Variants in CEACAM7 observed in about 807,000 individuals in gnomAD.
CEACAM7 encodes the protein cell adhesion molecule CEACAM7.
A neutral mutation model predicts 25.7 loss-of-function variants in CEACAM7; 24 were observed. That is an observed-to-expected ratio of 0.93 (90% confidence interval 0.68 to 1.31). CEACAM7 has a LOEUF of 1.31. Ranked by LOEUF, CEACAM7 falls within the 40% of genes most tolerant of loss-of-function variation. CEACAM7 has a pLI of 0.00. For synonymous variants in CEACAM7, 144 were observed against 129.4 expected, an observed-to-expected ratio of 1.11 and a Z score of -0.77; for missense variants, 324 against 330.1, an observed-to-expected ratio of 0.98 and a Z score of 0.14.
chr19:41,678,329 A>G (rs1423503064), intron 3 of CEACAM7, among the ~76,000 whole-genome samples: 1 of 146,550 alleles, frequency 6.8e-6, no homozygotes, highest in African/African-American at 2.5e-5. Flanking sequence ...GTATATGTAT[A>G]TGTATATGTA....
chr19:41,688,160 C>A lies in CEACAM7; in HGVS notation c.6G>T (p.Gly2=), dbSNP rs782240592. The A allele has an allele frequency of 6.2e-7, 1 of 1,610,222 alleles. No individual in the cohort carries two copies. M[G]SPSACPYRVC... ...CTCTGTATGGACAGGCTGAAGGGGACCCCATGGTCTCTGCTGCCTGCTTGT... is the reference window on the plus strand; with the variant it reads ...CTCTGTATGGACAGGCTGAAGGGGAACCCATGGTCTCTGCTGCCTGCTTGT... Residue 2 remains glycine, a synonymous_variant, in exon 1 of 5, where the codon GGG becomes GGT. Transcript: ENST00000401731.
intron 3 of CEACAM7, among the ~76,000 whole-genome samples, chr19:41,679,308 GA>G (rs1555810421): frequency 6.6e-6 from 1 of 152,054 alleles, no homozygotes; most frequent in African/African-American, 2.4e-5. Flanking sequence ...TGAAGAAACA[GA>G]AAATCTGAAT....
Position 41,686,342 on chromosome 19 carries a change from G to C in CEACAM7, c.427+517C>G, listed in dbSNP as rs1008564294. Among the ~76,000 whole-genome samples, 9 of 151,994 alleles carry C rather than the reference G, an allele frequency of 5.9e-5. No individual in the cohort carries two copies. The East Asian group carries it at 1.5e-3, about 26-fold the overall frequency. ...CAGATGAGGCCCTGGGGGTGACCAG[G>C]CTGGTGACCAGCTCCATGAGCCATG... On this transcript the variant is annotated intron_variant, in intron 2 of 4. Coordinates refer to ENST00000401731, the MANE Select transcript of CEACAM7 (RefSeq NM_001291485.2).
At chr19:41,677,952 C>T (rs1227766420) in intron 3 of CEACAM7, among the ~76,000 whole-genome samples, 1 of 152,206 alleles carries the variant, frequency 6.6e-6, no homozygotes, top group Non-Finnish European at 1.5e-5. Flanking sequence ...TTCTGCAAGA[C>T]TATTTTGCTC....
intron 4 of CEACAM7, among the ~76,000 whole-genome samples, chr19:41,675,091 T>A (rs1338159835): frequency 2.6e-5 from 4 of 152,244 alleles, no homozygotes; most frequent in Non-Finnish European, 4.4e-5. Flanking sequence ...CCTCAGTACC[T>A]ACGGGTTCAT....
rs1188818642 is a variant in CEACAM7, at chr19:41,673,778, C to T, written c.*998G>A. On this transcript the variant is annotated 3_prime_UTR_variant, in exon 5 of 5. Coordinates refer to ENST00000401731, the MANE Select transcript of CEACAM7 (RefSeq NM_001291485.2). ...AGGTTATGATGTCCTCCTAATCATA[C>T]ATTTATTTGAGTTTTTGTCATTCCA... 6.6e-6 allele frequency: 1 copy of T among 152,202 alleles called. No individual in the cohort carries two copies. Among genetic ancestry groups the T allele is most frequent in the Admixed American group, 6.5e-5 (1 of 15,286 alleles). 9.4% of individuals were successfully genotyped at this position (152,202 alleles called of 1,614,324 possible). A position where few individuals can be genotyped will look rare whatever the true frequency, so the allele number is the denominator to read the frequency against.
intron 3 of CEACAM7, among the ~76,000 whole-genome samples, chr19:41,679,888 G>T: frequency 7.7e-6 from 1 of 129,434 alleles, no homozygotes. Context: ...TGCAACCTCT[G>T]CCTCCCCAGT....
intron 4 of CEACAM7, among the ~76,000 whole-genome samples, chr19:41,675,598 C>T (rs1415654819): frequency 2.0e-5 from 3 of 152,166 alleles, no homozygotes; most frequent in African/African-American, 7.2e-5. Context: ...TTGTCAGAGT[C>T]TTAGCCATAA....
chr19:41,676,353 A>G (rs2072113695), intron 4 of CEACAM7, among the ~76,000 whole-genome samples: 1 of 152,082 alleles, frequency 6.6e-6, no homozygotes, highest in Non-Finnish European at 1.5e-5. Flanking sequence ...TTGGTATTAC[A>G]ATTATTTTTC....
At chr19:41,684,110 T>TC in intron 2 of CEACAM7, 47 bp from the exon 3 acceptor site, 1 of 1,590,214 alleles carries the variant, frequency 6.3e-7, no homozygotes, top group East Asian at 2.2e-5. Flanking sequence ...GGCCCCTTGG[T>TC]TCCCCCACGG....
rs567979250 is a variant in CEACAM7 at position 41,687,009 on chromosome 19, C to A, written c.277G>T (p.Gly93Trp). Residue 93 changes from glycine (G) to tryptophan (W), a missense_variant, in exon 2 of 5, where the codon GGG (glycine) becomes TGG (tryptophan). Transcript: ENST00000401731. ...VKNISQENAP[G>W]PAHNGRETIY... ...GTCTCTCGACCGTTGTGTGCGGGCC[C>A]TGGGGCATTTTCTTGACTTATATTT... is the stretch of plus-strand genomic sequence containing the variant. 3.1e-6 allele frequency: 5 copies of A among 1,613,946 alleles called. No individual in the cohort carries two copies. The African/African-American group carries it at 6.7e-5, about 22-fold the overall frequency.
intron 1 of CEACAM7, among the ~76,000 whole-genome samples, chr19:41,687,609 C>T (rs1384871592): frequency 6.6e-6 from 1 of 152,228 alleles, no homozygotes; most frequent in Non-Finnish European, 1.5e-5. Flanking sequence ...ATCTCTTTGC[C>T]TGTCTGTCTT....
chr19:41,686,663 G>T (rs1555811204), intron 2 of CEACAM7, among the ~76,000 whole-genome samples, 196 bp downstream of exon 2: 1 of 152,180 alleles, frequency 6.6e-6, no homozygotes. Flanking sequence ...GCAAGTATCT[G>T]CAGGGTCTGG....
At chr19:41,678,003 G>T (rs1410313914) in intron 3 of CEACAM7, among the ~76,000 whole-genome samples, 1 of 152,146 alleles carries the variant, frequency 6.6e-6, no homozygotes, top group African/African-American at 2.4e-5. Context: ...CAGTCTTGCA[G>T]AAACTCTCTT....
chr19:41,677,215 G>A (rs1555810201), intron 4 of CEACAM7, among the ~76,000 whole-genome samples, 161 bp downstream of exon 4: 1 of 152,202 alleles, frequency 6.6e-6, no homozygotes, highest in East Asian at 1.9e-4. Context: ...ATGAAGACCA[G>A]GGAAGAAGAG....
At chr19:41,683,661 C>A in intron 3 of CEACAM7, 124 bp downstream of exon 3, 1 of 1,436,500 alleles carries the variant, frequency 7.0e-7, no homozygotes, top group Non-Finnish European at 9.5e-7. Context: ...AAAGTCATGG[C>A]CAGCCTGGGT....
At chr19:41,676,617 G>T (rs2072116028) in intron 4 of CEACAM7, among the ~76,000 whole-genome samples, 1 of 152,166 alleles carries the variant, frequency 6.6e-6, no homozygotes, top group Non-Finnish European at 1.5e-5. Context: ...ACATGAATTG[G>T]TTATCAGGAA....
At chr19:41,687,659 T>A (rs118150862) in intron 1 of CEACAM7, among the ~76,000 whole-genome samples, 2,245 of 152,322 alleles carry the variant, frequency 0.015, 40 homozygotes, top group Admixed American at 0.058. Context: ...GGCAGGGACT[T>A]GTGTGAACTG....
Position 41,686,975 on chromosome 19 carries a change from G to A in CEACAM7, c.311C>T (p.Pro104Leu). Residue 104 changes from proline to leucine, a missense_variant, in exon 2 of 5, where the codon CCC (proline) becomes CTC (leucine). Coordinates refer to ENST00000401731, the MANE Select transcript of CEACAM7 (RefSeq NM_001291485.2). ...GTTCTGGATCAGCAGGGTTCCATTGGGGTATATTGTCTCTCGACCGTTGTG... is the reference window on the plus strand; with the variant it reads ...GTTCTGGATCAGCAGGGTTCCATTGAGGTATATTGTCTCTCGACCGTTGTG... Reference protein sequence around the residue: ...PAHNGRETIYPNGTLLIQNVT... With the variant: ...PAHNGRETIYLNGTLLIQNVT... The A allele has an allele frequency of 6.2e-7, 1 of 1,612,426 alleles. No homozygotes were observed. The highest frequency in any genetic ancestry group is 8.5e-7 in the Non-Finnish European group (1 of 1,179,198).
Sources: allele counts gnomAD v4.1 joint callset (sites outside exome capture counted in the v4.1 genomes callset), GRCh38; gene constraint gnomAD v4.1.1; transcripts MANE v1.5; gene names NCBI Gene and HGNC (gene_info 2026-07-23, HGNC 2026-07-21).